The following PIWIL2 variants were observed in gnomAD, a reference collection of about 807,000 sequenced individuals.
The protein encoded by PIWIL2 is piwi like RNA-mediated gene silencing 2.
A neutral mutation model predicts 116.5 loss-of-function variants in PIWIL2; 81 were observed. That is an observed-to-expected ratio of 0.70 (90% CI 0.58 to 0.84). The LOEUF is 0.84. Ranked by LOEUF, PIWIL2 falls within the 40% of genes least tolerant of loss-of-function variation. The pLI, the probability that PIWIL2 is intolerant of heterozygous loss-of-function variation, is 0.00. For missense variants in PIWIL2, 1,272 were observed against 1,212.3 expected (o/e 1.05, Z -0.73); for synonymous variants, 489 against 429.5 (o/e 1.14, Z -1.71).
intron 10 of PIWIL2, among the ~76,000 whole-genome samples, chr8:22,298,629 T>A (rs1450734476): frequency 6.6e-6 from 1 of 152,204 alleles, no homozygotes; most frequent in Non-Finnish European, 1.5e-5. Flanking sequence ...CCTGGGAAGT[T>A]TTCAAAATTA....
chr8:22,308,015 A>G lies in PIWIL2; in HGVS notation c.1628A>G (p.Glu543Gly). 1 of 1,614,034 alleles carries G rather than the reference A, an allele frequency of 6.2e-7. No individual in the cohort carries two copies. Residue 543 changes from glutamate to glycine, a missense_variant, in exon 14 of 23, where the codon GAG becomes GGG. By Grantham distance (98) the Glu-to-Gly change is moderately conservative. Coordinates refer to ENST00000356766, the MANE Select transcript of PIWIL2 (RefSeq NM_018068.5). ...ECLLQRIAKN[E>G]AATNELMRWG... ...TTGCTGCAAAGAATTGCAAAGAACG[A>G]GGCAGCCACCAATGAACTGATGCGT...
At chr8:22,301,437 G>A (rs1263587697) in intron 10 of PIWIL2, among the ~76,000 whole-genome samples, 1 of 152,030 alleles carries the variant, frequency 6.6e-6, no homozygotes, top group Non-Finnish European at 1.5e-5. Flanking sequence ...GGGACTACAG[G>A]CATGCGCCAC....
At chr8:22,353,475 C>G (rs1020801205) in intron 21 of PIWIL2, among the ~76,000 whole-genome samples, 8 of 152,004 alleles carry the variant, frequency 5.3e-5, no homozygotes, top group African/African-American at 1.9e-4. Flanking sequence ...ATGGTGAAAC[C>G]CTGTCTACTG....
At chr8:22,279,651 G>T in intron 2 of PIWIL2, 67 bp downstream of exon 2, 1 of 1,451,108 alleles carries the variant, frequency 6.9e-7, no homozygotes, top group Non-Finnish European at 9.7e-7. Context: ...AGGAAGTAAT[G>T]GATTTCAAAG....
chr8:22,336,250 A>G (rs532252945), intron 20 of PIWIL2, among the ~76,000 whole-genome samples: 488 of 152,332 alleles, frequency 3.2e-3, no homozygotes, highest in Non-Finnish European at 5.5e-3. Flanking sequence ...ACAAGGCTCA[A>G]TACATTTAAA....
At chr8:22,282,967 G>C in intron 4 of PIWIL2, 67 bp from the exon 5 acceptor site, 1 of 1,207,310 alleles carries the variant, frequency 8.3e-7, no homozygotes, top group South Asian at 1.2e-5. Flanking sequence ...GTGGAGTTGG[G>C]GGAATAATCT....
Position 22,290,298 on chromosome 8 carries a change from C to T in PIWIL2, c.1133C>T (p.Ala378Val). ...RRTDGGLFLL[A>V]DVSHKVIRND... ...ACAGATGGAGGGCTCTTCCTGCTAG[C>T]TGATGTCTCCCATAAGGTCATTCGG... The change falls in exon 10 of 23, where the codon GCT becomes GTT. Residue 378 changes from alanine (A) to valine (V), a missense_variant. By Grantham distance (64) the Ala-to-Val change is moderately conservative. Coordinates refer to ENST00000356766, the MANE Select transcript of PIWIL2 (RefSeq NM_018068.5). 2 of 1,612,504 alleles carry T rather than the reference C, an allele frequency of 1.2e-6. No individual in the cohort carries two copies. Among genetic ancestry groups the T allele is most frequent in the South Asian group, 2.2e-5 (2 of 91,026 alleles).
intron 20 of PIWIL2, among the ~76,000 whole-genome samples, chr8:22,349,419 G>GTATATATA (rs71206515): frequency 3.4e-4 from 46 of 134,438 alleles, no homozygotes; most frequent in African/African-American, 7.6e-4. Flanking sequence ...ATGTGTGTGT[G>GTATATATA]TATATATATA....
intron 20 of PIWIL2, among the ~76,000 whole-genome samples, chr8:22,332,488 C>T (rs952946582): frequency 6.6e-6 from 1 of 151,962 alleles, no homozygotes; most frequent in Non-Finnish European, 1.5e-5. Context: ...ATTCAGAAAG[C>T]CCAACACATC....
intron 19 of PIWIL2, 151 bp downstream of exon 19, chr8:22,316,484 T>TC: frequency 1.8e-6 from 1 of 546,098 alleles, no homozygotes; most frequent in Non-Finnish European, 3.3e-6. Flanking sequence ...ATTTTTTTTT[T>TC]CGGGGGGGAG....
At chr8:22,294,644 C>CA (rs897494985) in intron 10 of PIWIL2, among the ~76,000 whole-genome samples, 2,052 of 29,346 alleles carry the variant, frequency 0.07, 252 homozygotes, top group African/African-American at 0.18. Context: ...GACTCTGTCT[C>CA]AAAAAAAAAA....
chr8:22,304,856 TA>T lies in PIWIL2; in HGVS notation c.1445del (p.Asn482IlefsTer6). 6.2e-7 allele frequency: 1 copy of T among 1,604,024 alleles called. No individual in the cohort carries two copies. The highest frequency in any genetic ancestry group is 1.1e-5 in the South Asian group (1 of 90,848). ...LIHRPSERQD[N>X]HGMLLKGEIL... ...TTCACAGGCCCAGTGAGAGACAGGA[TA>T]ATCATGGGATGGTGAGTAGGGCTGT... On this transcript the variant is annotated frameshift_variant, in exon 12 of 23. Coordinates refer to ENST00000356766, the MANE Select transcript of PIWIL2 (RefSeq NM_018068.5). LOFTEE classifies it high-confidence loss of function.
At chr8:22,332,264 G>A (rs984681724) in intron 20 of PIWIL2, among the ~76,000 whole-genome samples, 4 of 152,094 alleles carry the variant, frequency 2.6e-5, no homozygotes, top group African/African-American at 9.7e-5. Flanking sequence ...AGCTGAGATT[G>A]TGCCACTGCA....
intron 10 of PIWIL2, among the ~76,000 whole-genome samples, chr8:22,300,989 G>A (rs1831033110): frequency 1.2e-5 from 1 of 86,236 alleles, no homozygotes; most frequent in South Asian, 4.2e-4. Context: ...TCTTAAAGGT[G>A]ACTTTTTTTT....
chr8:22,310,392 G>A (rs1451660695), intron 15 of PIWIL2, among the ~76,000 whole-genome samples: 1 of 152,012 alleles, frequency 6.6e-6, no homozygotes, highest in Non-Finnish European at 1.5e-5. Flanking sequence ...GAGGGTATTT[G>A]TATCCGTGAA....
At chr8:22,332,773 G>A (rs1423319086) in intron 20 of PIWIL2, among the ~76,000 whole-genome samples, 1 of 152,036 alleles carries the variant, frequency 6.6e-6, no homozygotes, top group Non-Finnish European at 1.5e-5. Flanking sequence ...GGTGAAAAAA[G>A]ACATTGCATG....
intron 10 of PIWIL2, 55 bp downstream of exon 10, chr8:22,290,401 A>G (rs1830732724): frequency 1.0e-6 from 1 of 975,438 alleles, no homozygotes; most frequent in Non-Finnish European, 1.6e-6. Flanking sequence ...TGAAAAGTTC[A>G]GTAACAGCTG....
chr8:22,309,579 T>G (rs1018019260), intron 14 of PIWIL2, among the ~76,000 whole-genome samples: 1 of 152,202 alleles, frequency 6.6e-6, no homozygotes, highest in African/African-American at 2.4e-5. Flanking sequence ...CCTCAAGTGA[T>G]CTGCCCTCCT....
At chr8:22,320,014 G>C (rs894405592) in intron 20 of PIWIL2, among the ~76,000 whole-genome samples, 1 of 152,176 alleles carries the variant, frequency 6.6e-6, no homozygotes, top group Non-Finnish European at 1.5e-5. Context: ...CCAGGCTGGA[G>C]TGCAGTGGCA....
Sources: allele counts gnomAD v4.1 joint callset (sites outside exome capture counted in the v4.1 genomes callset), GRCh38; gene constraint gnomAD v4.1.1; transcripts MANE v1.5; gene names NCBI Gene and HGNC (gene_info 2026-07-23, HGNC 2026-07-21).